The following ZNF839 variants were observed in gnomAD, a reference collection of about 807,000 sequenced individuals.
ZNF839 encodes the protein renal carcinoma antigen NY-REN-50.
ZNF839 carries 38 observed loss-of-function variants against 56.4 expected under a neutral mutation model. The observed-to-expected ratio is 0.67, with a 90% CI of 0.52 to 0.88. The LOEUF is 0.88. Ranked by LOEUF, ZNF839 falls within the 40% of genes least tolerant of loss-of-function variation. The pLI, the probability that ZNF839 is intolerant of heterozygous loss-of-function variation, is 0.00. For synonymous variants in ZNF839, 486 were observed against 493.5 expected (o/e 0.98, Z 0.20); for missense variants, 1,091 against 1,177.6 (o/e 0.93, Z 1.08).
chr14:102,327,597 C>T (rs1161018939), intron 2 of ZNF839, among the ~76,000 whole-genome samples: 1 of 152,176 alleles, frequency 6.6e-6, no homozygotes, highest in South Asian at 2.1e-4. Flanking sequence ...TTGGTGGGGA[C>T]ACAGATTCAA....
intron 2 of ZNF839, among the ~76,000 whole-genome samples, chr14:102,327,469 A>G (rs1383865772): frequency 6.6e-6 from 1 of 152,070 alleles, no homozygotes; most frequent in African/African-American, 2.4e-5. Flanking sequence ...ACCAGATATC[A>G]TGAGAACTCA....
At chr14:102,331,533 A>T in intron 2 of ZNF839, 89 bp from the exon 3 acceptor site, 1 of 1,181,668 alleles carries the variant, frequency 8.5e-7, no homozygotes, top group Non-Finnish European at 1.2e-6. Context: ...TTCAGGTGTG[A>T]GCCACGGCGC....
chr14:102,325,977 T>C lies in ZNF839; in HGVS notation c.289-8T>C. 6.2e-7 allele frequency: 1 copy of C among 1,610,462 alleles called. No individual in the cohort carries two copies. Among genetic ancestry groups the C allele is most frequent in the East Asian group, 2.2e-5 (1 of 44,852 alleles). On this transcript the variant is annotated splice_region_variant and splice_polypyrimidine_tract_variant and intron_variant, in intron 1 of 7. Coordinates refer to ENST00000442396, the MANE Select transcript of ZNF839 (RefSeq NM_018335.6). ...TTCTTTTCTCTTTCTTGTCTTTCTG[T>C]ACGTAAGCAACTAGAAGCCATTTGT...
intron 5 of ZNF839, chr14:102,337,679 C>T (rs1567296127): frequency 6.6e-6 from 1 of 152,182 alleles, no homozygotes. Flanking sequence ...GTGCCATCGC[C>T]TCTTGGGAGC....
Position 102,322,834 on chromosome 14 carries a change from C to T in ZNF839, c.288+2781C>T, listed in dbSNP as rs114202541. Among the ~76,000 whole-genome samples, 577 of 152,286 alleles carry T rather than the reference C, an allele frequency of 3.8e-3. 6 individuals carry two copies. Among genetic ancestry groups the T allele is most frequent in the African/African-American group, 0.013 (538 of 41,556 alleles). ...CCCGCCTCAGCATCCCAAAGCACTG[C>T]GATTACAGGTGTGACTGGCAGTAAA... On this transcript the variant is annotated intron_variant, in intron 1 of 7. Transcript: ENST00000442396.
intron 1 of ZNF839, among the ~76,000 whole-genome samples, chr14:102,323,449 C>G (rs952754184): frequency 2.2e-4 from 34 of 152,244 alleles, no homozygotes; most frequent in African/African-American, 7.7e-4. Context: ...CTCCCCTAAG[C>G]TGTAAGACAG....
rs891701812 is a variant in ZNF839, at chr14:102,319,796, G to A, written c.31G>A (p.Gly11Ser). 2.4e-5 allele frequency: 30 copies of A among 1,232,432 alleles called. No homozygotes were observed. Among genetic ancestry groups the A allele is most frequent in the Non-Finnish European group, 3.0e-5 (30 of 988,436 alleles). 76.3% of individuals were successfully genotyped at this position (1,232,432 alleles called of 1,614,324 possible). A position where few individuals can be genotyped will look rare whatever the true frequency, so the allele number is the denominator to read the frequency against. Residue 11 changes from glycine to serine, a missense_variant, in exon 1 of 8, where the codon GGC becomes AGC. Gly to Ser is a moderately conservative substitution (Grantham distance 56). Coordinates refer to ENST00000442396, the MANE Select transcript of ZNF839 (RefSeq NM_018335.6). This position sits in a 1 kb window ranked among gnomAD's most constrained non-coding sequence, Gnocchi z 4.5. ...GGATGCGGAGCCGGAGGCTGGGGGC[G>A]GCAGCGAGGATGGCGGCGGCGGCGG... is the stretch of plus-strand genomic sequence containing the variant. MADAEPEAGG[G>S]SEDGGGGGGP...
At chr14:102,325,962 T>G (rs1310207010) in intron 1 of ZNF839, 23 bp from the exon 2 acceptor site, 3 of 1,604,454 alleles carry the variant, frequency 1.9e-6, no homozygotes, top group Non-Finnish European at 2.6e-6. Context: ...TTCTTTTCTC[T>G]TTCTTGTCTT....
At chr14:102,325,314 G>A (rs1300699272) in intron 1 of ZNF839, among the ~76,000 whole-genome samples, 1 of 149,546 alleles carries the variant, frequency 6.7e-6, no homozygotes, top group Non-Finnish European at 1.5e-5. Flanking sequence ...ACTCTAGCCT[G>A]GGTGACAGAG....
chr14:102,319,745 C>G (rs928279177), upstream of ZNF839: 2 of 1,228,246 alleles, frequency 1.6e-6, no homozygotes, highest in Non-Finnish European at 2.0e-6. This position sits in a 1 kb window ranked among gnomAD's most constrained non-coding sequence, Gnocchi z 4.5. Flanking sequence ...GACCCGGGTT[C>G]GAGTCCCCGC....
In ZNF839 at chr14:102,339,642, G is replaced by A. The variant is rs575988292; in HGVS notation, c.1927+419G>A. 2.4e-4 allele frequency among the ~76,000 whole-genome samples: 37 copies of A among 152,180 alleles called. 1 individual carries two copies. The East Asian group carries it at 6.2e-3, about 26-fold the overall frequency. ...GTGTGCCTGTAATCCCAGCTACTTC[G>A]GAGGCTGAGGCAGGAGAATTGCTTG... On this transcript the variant is annotated intron_variant, in intron 7 of 7. Transcript: ENST00000442396.
At chr14:102,334,399 G>A (rs2073925188) in intron 3 of ZNF839, among the ~76,000 whole-genome samples, 155 bp from the exon 4 acceptor site, 1 of 152,216 alleles carries the variant, frequency 6.6e-6, no homozygotes, top group African/African-American at 2.4e-5. Context: ...GAGCAAACAG[G>A]TGAAATAGTT....
chr14:102,329,577 G>A (rs180858818), intron 2 of ZNF839, among the ~76,000 whole-genome samples: 156 of 151,850 alleles, frequency 1.0e-3, no homozygotes, highest in Non-Finnish European at 1.4e-3. Flanking sequence ...TAGAGACGGG[G>A]TTTCGCCATA....
At position 102,326,398 on chromosome 14, in the gene ZNF839, A is replaced by C. The variant is rs1053454449; in HGVS notation, c.702A>C (p.Thr234=). 9 of 1,613,022 alleles carry C rather than the reference A, an allele frequency of 5.6e-6. No homozygotes were observed. In the African/African-American group the frequency reaches 1.2e-4, roughly 22 times the overall value. ...SAHPFISNLH[T]RHTEKLKKSL... ...ATCCATTTATTTCCAACTTGCATAC[A>C]AGACATACTGAGAAACTAAAAAAAT... Residue 234 remains threonine (T), a synonymous_variant, in exon 2 of 8, where the codon ACA becomes ACC. Coordinates refer to ENST00000442396, the MANE Select transcript of ZNF839 (RefSeq NM_018335.6). This position sits in a 1 kb window ranked among gnomAD's most constrained non-coding sequence, Gnocchi z 4.3.
chr14:102,326,807 G>T lies in ZNF839; in HGVS notation c.1111G>T (p.Gly371Trp). ...AAGGACGCTCAGCCTGACCTCCCTG[G>T]GGCTGTCCATGCCAGCGGATCCATG... ...EERTLSLTSL[G>W]LSMPADPCEG... The change falls in exon 2 of 8, where the codon GGG becomes TGG. Residue 371 changes from glycine to tryptophan, a missense_variant. Transcript: ENST00000442396. The surrounding 1 kb of genome is among the most constrained non-coding windows in gnomAD (Gnocchi z 4.3). The T allele has an allele frequency of 6.2e-7, 1 of 1,611,862 alleles. No individual in the cohort carries two copies.
intron 2 of ZNF839, among the ~76,000 whole-genome samples, chr14:102,330,002 C>T (rs1306304880): frequency 1.3e-5 from 2 of 151,596 alleles, no homozygotes; most frequent in African/African-American, 4.9e-5. Context: ...ACCATGTTGG[C>T]CAGGCTGGTC....
Position 102,326,426 on chromosome 14 carries a change from TTAAAAG to T in ZNF839, c.735_740del (p.Val246_Lys247del). ...ACATACTGAGAAACTAAAAAAATCG[TTAAAAG>T]TAAAGACACGTTCTGGACGGGTATC... On this transcript the variant is annotated inframe_deletion, in exon 2 of 8. Transcript: ENST00000442396. This position sits in a 1 kb window ranked among gnomAD's most constrained non-coding sequence, Gnocchi z 4.3. The T allele has an allele frequency of 1.9e-6, 3 of 1,613,810 alleles. No individual in the cohort carries two copies. Among genetic ancestry groups the T allele is most frequent in the Non-Finnish European group, 2.5e-6 (3 of 1,179,828 alleles).
In ZNF839 at chr14:102,342,285, G is replaced by T; in HGVS notation, c.*106G>T. ...ATTCGTCTGATTTTATCCAGAGAAG[G>T]TCTATGGCAAGCAATGTATATTTTT... On this transcript the variant is annotated 3_prime_UTR_variant, in exon 8 of 8. Transcript: ENST00000442396. 2 of 1,402,614 alleles carry T rather than the reference G, an allele frequency of 1.4e-6. No homozygotes were observed. Among genetic ancestry groups the T allele is most frequent in the Non-Finnish European group, 1.9e-6 (2 of 1,037,994 alleles). 86.9% of individuals were successfully genotyped at this position (1,402,614 alleles called of 1,614,324 possible).
Position 102,331,819 on chromosome 14 carries a change from G to A in ZNF839, c.1389G>A (p.Ala463=), listed in dbSNP as rs200235026. ...CTGCTGCGGCAGGGGAGCAGAGGGC[G>A]TCGCCAAGCAAAGCCAGGCTCAAGG... ...GGPAAAGEQR[A]SPSKARLKEF... is the part of the protein sequence containing the mutation. The change falls in exon 3 of 8, where the codon GCG becomes GCA. Residue 463 remains alanine (A), a synonymous_variant. Coordinates refer to ENST00000442396, the MANE Select transcript of ZNF839 (RefSeq NM_018335.6). 4.8e-5 allele frequency: 76 copies of A among 1,579,818 alleles called. 1 individual carries two copies. Among genetic ancestry groups the A allele is most frequent in the South Asian group, 3.9e-4 (34 of 87,290 alleles).
Sources: allele counts gnomAD v4.1 joint callset (sites outside exome capture counted in the v4.1 genomes callset), GRCh38; gene constraint gnomAD v4.1.1; non-coding constraint Gnocchi (gnomAD v3.1); transcripts MANE v1.5; gene names NCBI Gene and HGNC (gene_info 2026-07-23, HGNC 2026-07-21).